VPS13B: variants seen among roughly 807,000 people sequenced by gnomAD.
The protein encoded by VPS13B is vacuolar protein sorting 13 homolog B.
In VPS13B, 285 loss-of-function variants were observed where a neutral mutation model predicts 426.4. The ratio of observed to expected loss-of-function variants is 0.67; its 90% CI spans 0.61 to 0.74. The LOEUF (loss-of-function observed/expected upper bound fraction) is 0.74. Among genes scored for constraint, VPS13B ranks in the 30% least tolerant of loss-of-function variants. VPS13B has a pLI of 0.00. For synonymous variants in VPS13B, 1,676 were observed against 1,676.4 expected, an observed-to-expected ratio of 1.00 and a Z score of 0.01; for missense variants, 4,537 against 4,782.6, an observed-to-expected ratio of 0.95 and a Z score of 1.51.
intron 17 of VPS13B, among the ~76,000 whole-genome samples, chr8:99,272,790 A>G (rs777038621): frequency 1.2e-4 from 19 of 152,174 alleles, no homozygotes; most frequent in Non-Finnish European, 1.9e-4. Flanking sequence ...CTTTTTATCT[A>G]TACAGAGCAT....
chr8:99,596,725 C>T (rs1404715999), intron 33 of VPS13B, among the ~76,000 whole-genome samples: 1 of 152,058 alleles, frequency 6.6e-6, no homozygotes, highest in African/African-American at 2.4e-5. Flanking sequence ...CACCCAGCTC[C>T]AAGTGAGGCT....
At chr8:99,391,922 A>G (rs1814470112) in intron 21 of VPS13B, among the ~76,000 whole-genome samples, 1 of 152,338 alleles carries the variant, frequency 6.6e-6, no homozygotes, top group East Asian at 1.9e-4. Context: ...GAAGAGGGCC[A>G]AGAATTCTGA....
intron 15 of VPS13B, among the ~76,000 whole-genome samples, chr8:99,167,381 ATTATACTATTATGTGTT>A (rs1005538009): frequency 1.2e-4 from 19 of 152,048 alleles, no homozygotes; most frequent in African/African-American, 3.1e-4. Context: ...TATGATGCTG[ATTATACTATTATGTGTT>A]TTATACTATT....
At chr8:99,735,576 A>G (rs978816647) in intron 39 of VPS13B, among the ~76,000 whole-genome samples, 1 of 152,186 alleles carries the variant, frequency 6.6e-6, no homozygotes, top group African/African-American at 2.4e-5. Context: ...TATTGCCTTC[A>G]GAGGGAATAT....
intron 16 of VPS13B, among the ~76,000 whole-genome samples, chr8:99,188,533 A>T (rs1362590035): frequency 6.6e-6 from 1 of 152,186 alleles, no homozygotes; most frequent in African/African-American, 2.4e-5. Flanking sequence ...CGCAATGAAC[A>T]TTCTTGTGCA....
intron 42 of VPS13B, among the ~76,000 whole-genome samples, chr8:99,779,966 T>A (rs1811931576): frequency 6.6e-6 from 1 of 152,210 alleles, no homozygotes; most frequent in Non-Finnish European, 1.5e-5. Flanking sequence ...GCTTTTGTTC[T>A]CTAACTTAAG....
chr8:99,162,476 G>A (rs1041967067), intron 15 of VPS13B, among the ~76,000 whole-genome samples: 5 of 152,156 alleles, frequency 3.3e-5, no homozygotes, highest in Admixed American at 6.5e-5. Flanking sequence ...GCGGACCCTC[G>A]CGGTGAGTGT....
chr8:99,625,004 T>C (rs562878528), intron 33 of VPS13B, among the ~76,000 whole-genome samples: 13 of 152,120 alleles, frequency 8.5e-5, no homozygotes, highest in African/African-American at 2.2e-4. Flanking sequence ...GTTTGTTTTT[T>C]AGTAGAGACG....
At chr8:99,835,022 C>T (rs1291109209) in intron 52 of VPS13B, among the ~76,000 whole-genome samples, 175 bp from the exon 53 acceptor site, 1 of 152,188 alleles carries the variant, frequency 6.6e-6, no homozygotes, top group Non-Finnish European at 1.5e-5. Flanking sequence ...TATTTTTTCA[C>T]ATTTTATGAA....
At chr8:99,124,882 CAAAAAAAAA>C (rs34328080) in intron 8 of VPS13B, among the ~76,000 whole-genome samples, 1 of 86,264 alleles carries the variant, frequency 1.2e-5, no homozygotes, top group Admixed American at 1.6e-4. Flanking sequence ...GACTCCGTCT[CAAAAAAAAA>C]AAAAAAAAAA....
chr8:99,505,159 G>A (rs1322706031), intron 27 of VPS13B, among the ~76,000 whole-genome samples: 1 of 152,178 alleles, frequency 6.6e-6, no homozygotes, highest in Non-Finnish European at 1.5e-5. Flanking sequence ...TGGTGTGTCT[G>A]GTTTGATCCT....
intron 55 of VPS13B, 36 bp from the exon 56 acceptor site, chr8:99,853,415 T>TG (rs755487482): frequency 1.2e-6 from 2 of 1,600,344 alleles, no homozygotes; most frequent in East Asian, 2.2e-5. Context: ...AAAAGGTGAG[T>TG]GGGGGGACTA....
At chr8:99,820,189 C>A (rs774669983) in intron 49 of VPS13B, 67 bp downstream of exon 49, 1 of 1,465,744 alleles carries the variant, frequency 6.8e-7, no homozygotes. Context: ...TGTAAAGTTG[C>A]GTTTATGATC....
At chr8:99,475,944 A>C (rs1819667963) in intron 24 of VPS13B, among the ~76,000 whole-genome samples, 1 of 152,352 alleles carries the variant, frequency 6.6e-6, no homozygotes, top group Non-Finnish European at 1.5e-5. Context: ...TAAATCTCAT[A>C]AAATCCTTGG....
intron 36 of VPS13B, among the ~76,000 whole-genome samples, chr8:99,708,845 C>CTATA (rs202053013): frequency 3.1e-4 from 45 of 146,108 alleles, no homozygotes; most frequent in Non-Finnish European, 4.7e-4. Context: ...CTCTCTCTCT[C>CTATA]TCTCTATATA....
intron 17 of VPS13B, among the ~76,000 whole-genome samples, chr8:99,244,595 C>T (rs1817109771): frequency 6.6e-6 from 1 of 152,180 alleles, no homozygotes; most frequent in African/African-American, 2.4e-5. Flanking sequence ...GTTATCCTCA[C>T]ATTTTCGCCT....
intron 3 of VPS13B, among the ~76,000 whole-genome samples, chr8:99,062,340 C>T (rs186578052): frequency 1.6e-3 from 245 of 152,182 alleles, no homozygotes; most frequent in African/African-American, 5.4e-3. Context: ...TTTTCATGTG[C>T]GTCAAAACCA....
chr8:99,818,725 C>T lies in VPS13B; in HGVS notation c.8458C>T (p.Pro2820Ser), dbSNP rs1814193401. Residue 2820 changes from proline to serine, a missense_variant, in exon 47 of 62, where the codon CCT becomes TCT. Transcript: ENST00000357162. ...QVQQRMIVFS[P>S]LFIMRSHLPD... Reference sequence around the variant, plus strand: ...TTTATTTTTATAGATTGTGTTCAGCCCTCTTTTTATCATGAGGAGTCATCT... The same window carrying T: ...TTTATTTTTATAGATTGTGTTCAGCTCTCTTTTTATCATGAGGAGTCATCT... 1.2e-6 allele frequency: 2 copies of T among 1,613,708 alleles called. No individual in the cohort carries two copies. Among genetic ancestry groups the T allele is most frequent in the Non-Finnish European group, 1.7e-6 (2 of 1,179,904 alleles).
intron 56 of VPS13B, among the ~76,000 whole-genome samples, chr8:99,858,089 C>G (rs1406549933): frequency 6.6e-6 from 1 of 152,226 alleles, no homozygotes; most frequent in Non-Finnish European, 1.5e-5. Context: ...TCCTCCTCTT[C>G]AGAGCCTGCT....
Sources: gnomAD v4.1 joint callset for allele counts (sites outside exome capture counted in the v4.1 genomes callset) on GRCh38, gnomAD v4.1.1 for gene constraint, MANE v1.5 for transcripts, NCBI Gene and HGNC (gene_info 2026-07-23, HGNC 2026-07-21) for gene names.